PDE4B: variants seen among roughly 807,000 people sequenced by gnomAD.
PDE4B encodes phosphodiesterase 4B, also known as 3',5'-cyclic-AMP phosphodiesterase 4B.
PDE4B carries 20 observed loss-of-function variants against 82.2 expected under a neutral mutation model. The observed-to-expected ratio is 0.24, with a 90% CI of 0.17 to 0.35. PDE4B has a LOEUF of 0.35. Ranked by LOEUF, PDE4B falls within the 10% of genes least tolerant of loss-of-function variation. The pLI is 1.00. For missense variants in PDE4B, 655 were observed against 907.2 expected (o/e 0.72, Z 3.57); for synonymous variants, 320 against 318.9 (o/e 1.00, Z -0.04).
intron 3 of PDE4B, among the ~76,000 whole-genome samples, chr1:65,932,475 G>A (rs1418727383): frequency 2.0e-5 from 3 of 152,030 alleles, no homozygotes. Context: ...GTTAGTGAGG[G>A]TCTTCTCCTT....
chr1:65,800,175 T>G (rs1270570864), intron 1 of PDE4B, among the ~76,000 whole-genome samples: 1 of 152,138 alleles, frequency 6.6e-6, no homozygotes, highest in Non-Finnish European at 1.5e-5. Flanking sequence ...ATGACTGAAT[T>G]CAGAGATCAG....
At position 65,876,987 on chromosome 1, in the gene PDE4B, T is replaced by G. The variant is rs182805478; in HGVS notation, c.-70-36258T>G. 1.3e-3 allele frequency among the ~76,000 whole-genome samples: 197 copies of G among 152,242 alleles called. 1 individual carries two copies. Among genetic ancestry groups the G allele is most frequent in the Admixed American group, 0.012 (184 of 15,292 alleles). On this transcript the variant is annotated intron_variant, in intron 1 of 16. Transcript: ENST00000341517. ...AAATGGCCATACTGCCCAAAGTAAT[T>G]TATAGATTGAATGCAATCACCACCA...
intron 3 of PDE4B, among the ~76,000 whole-genome samples, chr1:66,093,238 G>A (rs1645057825): frequency 6.6e-6 from 1 of 151,986 alleles, no homozygotes; most frequent in African/African-American, 2.4e-5. Flanking sequence ...CAGGCAAAAA[G>A]CATGGTAATG....
intron 3 of PDE4B, among the ~76,000 whole-genome samples, chr1:66,240,150 A>G (rs1652778476): frequency 6.6e-6 from 1 of 152,210 alleles, no homozygotes; most frequent in African/African-American, 2.4e-5. Context: ...AGGGCAAGAG[A>G]TGACTGAGTA....
intron 1 of PDE4B, among the ~76,000 whole-genome samples, chr1:65,809,847 AATG>A (rs1447314277): frequency 1.3e-5 from 2 of 152,238 alleles, no homozygotes; most frequent in African/African-American, 2.4e-5. Context: ...AAGCAGCATT[AATG>A]ATCATTTTTA....
intron 7 of PDE4B, among the ~76,000 whole-genome samples, chr1:66,326,351 C>T (rs1364191352): frequency 6.6e-6 from 1 of 152,140 alleles, no homozygotes; most frequent in African/African-American, 2.4e-5. Flanking sequence ...CATTGCCAAC[C>T]CTATAGAAAG....
chr1:65,849,352 C>T (rs1219317063), intron 1 of PDE4B, among the ~76,000 whole-genome samples: 4 of 152,056 alleles, frequency 2.6e-5, no homozygotes, highest in African/African-American at 9.7e-5. Context: ...AGCTTTTTAC[C>T]CAGAGCAGGT....
At chr1:66,105,720 C>T (rs1645336515) in intron 3 of PDE4B, among the ~76,000 whole-genome samples, 1 of 152,072 alleles carries the variant, frequency 6.6e-6, no homozygotes, top group Non-Finnish European at 1.5e-5. Flanking sequence ...TGGGAGTTCA[C>T]TCATGATTGG....
intron 4 of PDE4B, among the ~76,000 whole-genome samples, chr1:66,253,014 C>G (rs559811906): frequency 6.6e-6 from 1 of 152,134 alleles, no homozygotes; most frequent in African/African-American, 2.4e-5. Context: ...ATAAAGATAC[C>G]TACTGGTATT....
intron 7 of PDE4B, among the ~76,000 whole-genome samples, chr1:66,320,201 A>G (rs145406182): frequency 7.2e-5 from 11 of 152,040 alleles, no homozygotes; most frequent in African/African-American, 1.7e-4. Flanking sequence ...CTTGAACTCT[A>G]TCTCTGCAGC....
At chr1:65,907,491 C>T (rs774357840) in intron 1 of PDE4B, among the ~76,000 whole-genome samples, 4 of 152,162 alleles carry the variant, frequency 2.6e-5, no homozygotes, top group East Asian at 1.9e-4. Flanking sequence ...AGGTGGATGT[C>T]GGGGCTGGGA....
intron 1 of PDE4B, among the ~76,000 whole-genome samples, chr1:65,855,375 G>A (rs538588005): frequency 6.6e-6 from 1 of 152,236 alleles, no homozygotes; most frequent in South Asian, 2.1e-4. Context: ...GTTAACTGCA[G>A]CTTAGTTTGA....
At chr1:66,045,606 G>T (rs2100842317) in intron 3 of PDE4B, among the ~76,000 whole-genome samples, 1 of 151,736 alleles carries the variant, frequency 6.6e-6, no homozygotes, top group Middle Eastern at 3.4e-3. Context: ...AGATACTCAG[G>T]TTCTTCACCA....
At chr1:66,322,710 T>C (rs917739750) in intron 7 of PDE4B, among the ~76,000 whole-genome samples, 1 of 151,596 alleles carries the variant, frequency 6.6e-6, no homozygotes, top group Admixed American at 6.6e-5. Flanking sequence ...ATTCCTGTGT[T>C]GAAACCAGTA....
chr1:65,859,460 T>C (rs1646429522), intron 1 of PDE4B, among the ~76,000 whole-genome samples: 1 of 152,178 alleles, frequency 6.6e-6, no homozygotes, highest in South Asian at 2.1e-4. Flanking sequence ...ATTAGGTAGA[T>C]ACCATCTTTG....
chr1:66,335,336 G>A (rs1394597080), intron 8 of PDE4B, among the ~76,000 whole-genome samples: 1 of 152,228 alleles, frequency 6.6e-6, no homozygotes, highest in African/African-American at 2.4e-5. Context: ...GTGAAATTGT[G>A]TTATGCTGAG....
At chr1:66,239,577 A>G (rs1306647531) in intron 3 of PDE4B, among the ~76,000 whole-genome samples, 3 of 152,194 alleles carry the variant, frequency 2.0e-5, no homozygotes, top group African/African-American at 7.2e-5. Context: ...CTGGAAAGGG[A>G]TAGACAGAGC....
chr1:65,798,847 AC>A (rs1645663969), intron 1 of PDE4B, among the ~76,000 whole-genome samples: 1 of 152,172 alleles, frequency 6.6e-6, no homozygotes, highest in African/African-American at 2.4e-5. Context: ...GTCAAATCAT[AC>A]CCTGTCTGTA....
intron 1 of PDE4B, among the ~76,000 whole-genome samples, chr1:65,849,618 C>A (rs1166275458): frequency 6.6e-6 from 1 of 152,082 alleles, no homozygotes; most frequent in Non-Finnish European, 1.5e-5. Flanking sequence ...CTGCCAGTGG[C>A]ACTCCACTGC....
Sources: gnomAD v4.1 joint callset for allele counts (sites outside exome capture counted in the v4.1 genomes callset) on GRCh38, gnomAD v4.1.1 for gene constraint, MANE v1.5 for transcripts, NCBI Gene and HGNC (gene_info 2026-07-23, HGNC 2026-07-21) for gene names.